The following NHSL1 variants were observed in gnomAD, a reference collection of about 807,000 sequenced individuals.
NHSL1 encodes the protein NHS like 1.
A neutral mutation model predicts 95.0 loss-of-function variants in NHSL1; 48 were observed. That is an observed-to-expected ratio of 0.51 (90% confidence interval 0.40 to 0.64). The LOEUF (loss-of-function observed/expected upper bound fraction) is 0.64, where lower values mean the gene tolerates loss of function less well. Ranked by LOEUF, NHSL1 falls within the 30% of genes least tolerant of loss-of-function variation. The pLI is 0.00. For missense variants in NHSL1, 1,971 were observed against 2,077.7 expected (o/e 0.95, Z 1.00); for synonymous variants, 783 against 833.9 (o/e 0.94, Z 1.05).
intron 3 of NHSL1, among the ~76,000 whole-genome samples, chr6:138,452,175 C>A (rs1224715109): frequency 6.6e-6 from 1 of 152,134 alleles, no homozygotes; most frequent in Non-Finnish European, 1.5e-5. Context: ...GAAACATAAG[C>A]CATGATTCCT....
At chr6:138,669,450 G>C (rs1451239052) in intron 1 of NHSL1, among the ~76,000 whole-genome samples, 4 of 152,194 alleles carry the variant, frequency 2.6e-5, no homozygotes, top group Admixed American at 1.3e-4. Context: ...GGTATTGGCG[G>C]TAATAAGGAC....
chr6:138,673,019 CTAGATAGATAGGTAGATAGATAGA>C (rs1785396643), intron 1 of NHSL1, among the ~76,000 whole-genome samples: 2 of 111,600 alleles, frequency 1.8e-5, no homozygotes, highest in South Asian at 7.8e-4. Flanking sequence ...TCATAGATAG[CTAGATAGATAGGTAGATAGATAGA>C]TAGATAGATA....
At chr6:138,491,818 C>T (rs1037670331) in intron 2 of NHSL1, among the ~76,000 whole-genome samples, 2 of 152,044 alleles carry the variant, frequency 1.3e-5, no homozygotes, top group African/African-American at 4.8e-5. Context: ...GGAATATTTG[C>T]ATTATAACTA....
chr6:138,438,396 C>A (rs1776322055), intron 5 of NHSL1, among the ~76,000 whole-genome samples: 1 of 152,150 alleles, frequency 6.6e-6, no homozygotes, highest in South Asian at 2.1e-4. Context: ...TAGACCACAG[C>A]ACAGTGTAAA....
intron 5 of NHSL1, among the ~76,000 whole-genome samples, chr6:138,435,658 A>C (rs1776032239): frequency 6.6e-6 from 1 of 152,018 alleles, no homozygotes; most frequent in Non-Finnish European, 1.5e-5. Flanking sequence ...AATGCTATAG[A>C]TGCATACGTC....
chr6:138,521,043 C>T (rs758974055), intron 1 of NHSL1, among the ~76,000 whole-genome samples: 3 of 152,176 alleles, frequency 2.0e-5, no homozygotes, highest in South Asian at 2.1e-4. Context: ...GCAAGGGATT[C>T]CTCAAAACCA....
intron 1 of NHSL1, among the ~76,000 whole-genome samples, chr6:138,591,662 G>C (rs985064991): frequency 2.0e-5 from 3 of 152,120 alleles, no homozygotes; most frequent in Non-Finnish European, 4.4e-5. Flanking sequence ...AAACTCCTGG[G>C]CTCAAGTGAT....
rs78528812 is a variant in NHSL1, at chr6:138,473,872, C to T, written c.212-439G>A. Among the ~76,000 whole-genome samples, 988 of 152,148 alleles carry T rather than the reference C, an allele frequency of 6.5e-3. 11 individuals carry two copies. Among genetic ancestry groups the T allele is most frequent in the African/African-American group, 0.023 (950 of 41,536 alleles). The stretch of plus-strand genomic sequence containing the variant: ...AAAAAAAAGTGATGCTAATGCTATG[C>T]TTGTTTCCTAGACTCATTAGCTGGA... On this transcript the variant is annotated intron_variant, in intron 2 of 7. Coordinates refer to ENST00000343505, the MANE Select transcript of NHSL1 (RefSeq NM_001144060.2).
chr6:138,587,861 G>A (rs1427060667), intron 1 of NHSL1, among the ~76,000 whole-genome samples: 5 of 152,180 alleles, frequency 3.3e-5, no homozygotes, highest in Non-Finnish European at 7.3e-5. Flanking sequence ...GCCTCCCACG[G>A]TCACCAGGAA....
intron 3 of NHSL1, among the ~76,000 whole-genome samples, chr6:138,459,949 C>T (rs180720859): frequency 1.5e-4 from 23 of 152,274 alleles, no homozygotes; most frequent in South Asian, 8.3e-4. Context: ...TGTCAGATTA[C>T]GTTTCCTAAT....
intron 3 of NHSL1, among the ~76,000 whole-genome samples, chr6:138,471,830 T>C (rs1448347546): frequency 6.6e-6 from 1 of 152,166 alleles, no homozygotes; most frequent in Non-Finnish European, 1.5e-5. Flanking sequence ...TATCAAATCA[T>C]CACACTGTGC....
At chr6:138,677,538 C>T (rs547421063) in intron 1 of NHSL1, among the ~76,000 whole-genome samples, 1 of 152,334 alleles carries the variant, frequency 6.6e-6, no homozygotes, top group African/African-American at 2.4e-5. Flanking sequence ...ACAAGACTCA[C>T]TGTTGCACGA....
At chr6:138,514,201 C>A (rs1393630584) in intron 1 of NHSL1, among the ~76,000 whole-genome samples, 1 of 151,980 alleles carries the variant, frequency 6.6e-6, no homozygotes, top group Non-Finnish European at 1.5e-5. Flanking sequence ...ACCTGTAGTG[C>A]CAGGTACTCA....
chr6:138,627,633 C>A (rs1324380749), intron 1 of NHSL1, among the ~76,000 whole-genome samples: 1 of 152,138 alleles, frequency 6.6e-6, no homozygotes, highest in Non-Finnish European at 1.5e-5. Context: ...CCTGTAATCC[C>A]AGCACTTTGG....
At chr6:138,563,373 A>G (rs974179828) in intron 1 of NHSL1, among the ~76,000 whole-genome samples, 6 of 152,210 alleles carry the variant, frequency 3.9e-5, no homozygotes, top group East Asian at 1.9e-4. Flanking sequence ...TGAGATACCA[A>G]TTCCTTGAAG....
intron 1 of NHSL1, among the ~76,000 whole-genome samples, chr6:138,539,380 C>T (rs371887642): frequency 1.3e-5 from 2 of 152,180 alleles, no homozygotes; most frequent in East Asian, 3.9e-4. Flanking sequence ...CTGCATACAT[C>T]TGTACCTGGT....
intron 5 of NHSL1, among the ~76,000 whole-genome samples, chr6:138,435,038 A>T (rs2128205559): frequency 6.6e-6 from 1 of 152,244 alleles, no homozygotes. Flanking sequence ...TCTTTCAAGT[A>T]CTCACTCACT....
At chr6:138,445,576 T>C (rs1177110408) in intron 4 of NHSL1, among the ~76,000 whole-genome samples, 1 of 152,216 alleles carries the variant, frequency 6.6e-6, no homozygotes, top group Admixed American at 6.5e-5. Context: ...ATTCATGCAC[T>C]TATTTATTAA....
At chr6:138,621,616 G>T (rs763792846) in intron 1 of NHSL1, among the ~76,000 whole-genome samples, 1 of 152,078 alleles carries the variant, frequency 6.6e-6, no homozygotes, top group Non-Finnish European at 1.5e-5. Flanking sequence ...GGGAATACAG[G>T]TGTGTGCCAC....
Sources: gnomAD v4.1 joint callset for allele counts (sites outside exome capture counted in the v4.1 genomes callset) on GRCh38, gnomAD v4.1.1 for gene constraint, MANE v1.5 for transcripts, NCBI Gene and HGNC (gene_info 2026-07-23, HGNC 2026-07-21) for gene names.